PTPN4: variants seen among roughly 807,000 people sequenced by gnomAD.
The protein encoded by PTPN4 is protein tyrosine phosphatase non-receptor type 4.
In PTPN4, 49 loss-of-function variants were observed where a neutral mutation model predicts 135.5. The ratio of observed to expected loss-of-function variants is 0.36; its 90% CI spans 0.29 to 0.46. The LOEUF is 0.46. PTPN4 is among the 20% of genes least tolerant of loss of function. The probability of loss-of-function intolerance (pLI) is 1.00; values close to 1 mark genes in which losing one functional copy is unlikely to be tolerated. For synonymous variants in PTPN4, 333 were observed against 369.9 expected (o/e 0.90, Z 1.14); for missense variants, 860 against 1,101.0 (o/e 0.78, Z 3.10).
rs541781514 is a variant in PTPN4 at position 119,978,587 on chromosome 2, T to G, written c.*1517T>G. The G allele has an allele frequency of 6.6e-6, 1 of 152,264 alleles. No homozygotes were observed. The highest frequency in any genetic ancestry group is 2.4e-5 in the African/African-American group (1 of 41,562). The allele number at this position is 152,264 out of a possible 1,614,324, so 9.4% of individuals were successfully genotyped here. ...TATTTTCCTCTTCAGGTTTTTTTGT[T>G]TTTAAGTCTACAGAGAGATAGAACC... On this transcript the variant is annotated 3_prime_UTR_variant, in exon 27 of 27. Transcript: ENST00000263708.
intron 26 of PTPN4, among the ~76,000 whole-genome samples, chr2:119,968,506 G>A (rs575714783): frequency 2.0e-5 from 3 of 152,078 alleles, no homozygotes; most frequent in East Asian, 3.9e-4. Flanking sequence ...GCATTGCAGC[G>A]GCCGGGCGCG....
chr2:119,930,051 T>C (rs1480162409), intron 13 of PTPN4, among the ~76,000 whole-genome samples: 1 of 152,126 alleles, frequency 6.6e-6, no homozygotes, highest in Non-Finnish European at 1.5e-5. Flanking sequence ...CATGAGGTAA[T>C]ATACTTTATT....
In PTPN4 at chr2:119,934,234, TATA is replaced by T. The variant is rs566194658; in HGVS notation, c.1197-560_1197-558del. The stretch of plus-strand genomic sequence containing the variant: ...TTTTTCTCATCTACAAAATTATATT[TATA>T]ATAATGTCTTTCTTATAGTACTGTT... On this transcript the variant is annotated intron_variant, in intron 14 of 26. Coordinates refer to ENST00000263708, the MANE Select transcript of PTPN4 (RefSeq NM_002830.4). Among the ~76,000 whole-genome samples, 24 of 152,302 alleles carry T rather than the reference TATA, an allele frequency of 1.6e-4. No individual in the cohort carries two copies. In the East Asian group the frequency reaches 4.6e-3, roughly 29 times the overall value.
chr2:119,810,754 C>T (rs575190184), intron 2 of PTPN4, among the ~76,000 whole-genome samples: 1 of 152,188 alleles, frequency 6.6e-6, no homozygotes, highest in East Asian at 1.9e-4. Flanking sequence ...AATGAATACC[C>T]TTATACCCTT....
intron 2 of PTPN4, among the ~76,000 whole-genome samples, chr2:119,811,679 G>A (rs1219088245): frequency 2.6e-5 from 4 of 152,010 alleles, no homozygotes; most frequent in East Asian, 1.9e-4. Flanking sequence ...TTTTGTCTTA[G>A]CTTAAATTTA....
rs769577683 is a variant in PTPN4 at position 119,946,389 on chromosome 2, C to G, written c.1564C>G (p.Pro522Ala). The G allele has an allele frequency of 1.1e-5, 17 of 1,611,094 alleles. No individual in the cohort carries two copies. In the South Asian group the frequency reaches 1.9e-4, roughly 18 times the overall value. ...HDNLVLIRMKPDENGRFGFNV... is the reference protein window; with the variant it reads ...HDNLVLIRMKADENGRFGFNV... Reference sequence around the variant, plus strand: ...TAATCTTGTCCTAATCAGAATGAAACCTGATGAAAATGGGAGGTTTGGATT... The same window carrying G: ...TAATCTTGTCCTAATCAGAATGAAAGCTGATGAAAATGGGAGGTTTGGATT... Residue 522 changes from proline to alanine, a missense_variant, in exon 17 of 27, where the codon CCT (proline) becomes GCT (alanine). Transcript: ENST00000263708.
rs192365379 is a variant in PTPN4 at position 119,886,206 on chromosome 2, A to G, written c.675+324A>G. ...AAAGTGGCTTTTGTATACTTTTATA[A>G]TAATGATCATTAAAAATGTTCTCAC... On this transcript the variant is annotated intron_variant, in intron 9 of 26. Coordinates refer to ENST00000263708, the MANE Select transcript of PTPN4 (RefSeq NM_002830.4). 3.1e-3 allele frequency among the ~76,000 whole-genome samples: 469 copies of G among 152,350 alleles called. 1 individual carries two copies. Among genetic ancestry groups the G allele is most frequent in the African/African-American group, 0.011 (444 of 41,580 alleles).
chr2:119,922,983 TC>T (rs1326131551), intron 12 of PTPN4, among the ~76,000 whole-genome samples: 2 of 152,240 alleles, frequency 1.3e-5, no homozygotes, highest in Non-Finnish European at 2.9e-5. Context: ...TTTTAATCTC[TC>T]TAGAATATGT....
At position 119,955,753 on chromosome 2, in the gene PTPN4, C is replaced by T. The variant is rs371604389; in HGVS notation, c.1980+430C>T. 5.5e-4 allele frequency among the ~76,000 whole-genome samples: 84 copies of T among 151,926 alleles called. 2 individuals carry two copies. In the South Asian group the frequency reaches 0.015, roughly 27 times the overall value. On this transcript the variant is annotated intron_variant, in intron 20 of 26. Coordinates refer to ENST00000263708, the MANE Select transcript of PTPN4 (RefSeq NM_002830.4). ...GAGATCAAGACAATCCTGGCCAACA[C>T]GGTGAAACCCCGTCTCTACTAAAAA...
chr2:119,783,154 C>G (rs953046555), intron 1 of PTPN4, among the ~76,000 whole-genome samples: 1 of 152,052 alleles, frequency 6.6e-6, no homozygotes, highest in South Asian at 2.1e-4. Flanking sequence ...TTCACTCATT[C>G]GTATTCATTC....
At position 119,950,119 on chromosome 2, in the gene PTPN4, T is replaced by C. The variant is rs142326153; in HGVS notation, c.1657-1854T>C. ...TCTTTAACACATAGACCACCTCTTT[T>C]TTTCTGCCAACTACACTATGCACAA... On this transcript the variant is annotated intron_variant, in intron 18 of 26. Transcript: ENST00000263708. 5.6e-4 allele frequency among the ~76,000 whole-genome samples: 85 copies of C among 152,300 alleles called. 1 individual carries two copies. Among genetic ancestry groups the C allele is most frequent in the Non-Finnish European group, 1.0e-3 (69 of 68,024 alleles).
At chr2:119,816,786 T>A (rs1372398025) in intron 2 of PTPN4, among the ~76,000 whole-genome samples, 1 of 152,220 alleles carries the variant, frequency 6.6e-6, no homozygotes, top group African/African-American at 2.4e-5. Context: ...ATGTTGGAAA[T>A]GGAAGCAGGC....
chr2:119,942,358 G>T (rs1427023606), intron 15 of PTPN4, among the ~76,000 whole-genome samples: 1 of 152,088 alleles, frequency 6.6e-6, no homozygotes, highest in Non-Finnish European at 1.5e-5. Flanking sequence ...TACAGGTTTG[G>T]CTCACTTAGA....
chr2:119,777,316 G>C (rs1690854031), intron 1 of PTPN4, among the ~76,000 whole-genome samples: 2 of 152,144 alleles, frequency 1.3e-5, no homozygotes, highest in South Asian at 4.1e-4. Context: ...AAATTTCTCA[G>C]CCATGGCTTT....
chr2:119,768,733 T>G (rs1254884610), intron 1 of PTPN4, among the ~76,000 whole-genome samples: 1 of 152,196 alleles, frequency 6.6e-6, no homozygotes, highest in Non-Finnish European at 1.5e-5. Context: ...CTCTGAGGCC[T>G]GTGGCATGGG....
chr2:119,970,296 G>A (rs1385753931), intron 26 of PTPN4, among the ~76,000 whole-genome samples: 1 of 152,024 alleles, frequency 6.6e-6, no homozygotes, highest in Non-Finnish European at 1.5e-5. Flanking sequence ...CTGACCTCAG[G>A]TGATCCACCC....
chr2:119,780,799 A>G (rs1002634862), intron 1 of PTPN4, among the ~76,000 whole-genome samples: 2 of 152,180 alleles, frequency 1.3e-5, no homozygotes, highest in Non-Finnish European at 2.9e-5. Flanking sequence ...TTAATAAGTA[A>G]TTTATGGGGT....
chr2:119,945,158 T>G lies in PTPN4; in HGVS notation c.1433T>G (p.Ile478Ser). 6.2e-7 allele frequency: 1 copy of G among 1,600,994 alleles called. No homozygotes were observed. The highest frequency in any genetic ancestry group is 8.5e-7 in the Non-Finnish European group (1 of 1,174,534). ...KQSKKNSWNQIHYSHSQQDLE... is the reference protein window; with the variant it reads ...KQSKKNSWNQSHYSHSQQDLE... ...TCAAAGAAAAACAGTTGGAACCAAA[T>G]TCATTATTCACATTCGCAACAAGAT... The change falls in exon 16 of 27, where the codon ATT (isoleucine) becomes AGT (serine). Residue 478 changes from isoleucine (I) to serine (S), a missense_variant. By Grantham distance (142) the Ile-to-Ser change is moderately radical (BLOSUM62 -2). Transcript: ENST00000263708.
chr2:119,961,061 T>C, intron 23 of PTPN4, 108 bp downstream of exon 23: 1 of 1,271,618 alleles, frequency 7.9e-7, no homozygotes, highest in Non-Finnish European at 1.1e-6. Context: ...CCTTTAATCT[T>C]CTTTTCTTGT....
Sources: gnomAD v4.1 joint callset for allele counts (sites outside exome capture counted in the v4.1 genomes callset) on GRCh38, gnomAD v4.1.1 for gene constraint, MANE v1.5 for transcripts, NCBI Gene and HGNC (gene_info 2026-07-23, HGNC 2026-07-21) for gene names.